The following ZNF277 variants were observed in gnomAD, a reference collection of about 807,000 sequenced individuals.
ZNF277 encodes nuclear receptor-interacting factor 4.
ZNF277 carries 55 observed loss-of-function variants against 60.7 expected under a neutral mutation model. That is an observed-to-expected ratio of 0.91 (90% CI 0.73 to 1.13). The LOEUF (loss-of-function observed/expected upper bound fraction) is 1.13, where lower values mean the gene tolerates loss of function less well. Among genes scored for constraint, ZNF277 ranks in the 50% most tolerant of loss-of-function variants. The pLI is 0.00. For missense variants in ZNF277, 510 were observed against 523.0 expected (o/e 0.98, Z 0.24); for synonymous variants, 178 against 179.3 (o/e 0.99, Z 0.06).
At chr7:112,239,695 A>C (rs1790897813) in intron 1 of ZNF277, among the ~76,000 whole-genome samples, 1 of 152,222 alleles carries the variant, frequency 6.6e-6, no homozygotes. Context: ...AGTCTGAAAG[A>C]AAAGGATGTT....
chr7:112,319,475 G>T (rs1296535833), intron 5 of ZNF277, among the ~76,000 whole-genome samples: 4 of 151,822 alleles, frequency 2.6e-5, no homozygotes, highest in Non-Finnish European at 5.9e-5. Context: ...AACTGAGGAT[G>T]ATTTCACTGA....
chr7:112,229,380 A>G (rs1822264018), intron 1 of ZNF277, among the ~76,000 whole-genome samples: 1 of 152,232 alleles, frequency 6.6e-6, no homozygotes, highest in African/African-American at 2.4e-5. Flanking sequence ...CCATACAAGG[A>G]CATTTCAGAA....
chr7:112,207,550 G>C (rs2116934094), intron 1 of ZNF277, among the ~76,000 whole-genome samples: 1 of 152,326 alleles, frequency 6.6e-6, no homozygotes, highest in Non-Finnish European at 1.5e-5. Flanking sequence ...CTTTCAGGTT[G>C]TCCTCTGATC....
chr7:112,252,263 A>G (rs149975131), intron 1 of ZNF277, among the ~76,000 whole-genome samples: 84 of 152,320 alleles, frequency 5.5e-4, no homozygotes, highest in Middle Eastern at 3.4e-3. Flanking sequence ...GCAAGAGGGT[A>G]GCTTATTGCA....
At chr7:112,259,685 T>C (rs1346035983) in intron 1 of ZNF277, among the ~76,000 whole-genome samples, 1 of 152,214 alleles carries the variant, frequency 6.6e-6, no homozygotes, top group Non-Finnish European at 1.5e-5. Flanking sequence ...AGATTTTTAA[T>C]GTTCAAGGCT....
intron 4 of ZNF277, among the ~76,000 whole-genome samples, chr7:112,313,984 A>G (rs570039054): frequency 6.6e-6 from 1 of 152,260 alleles, no homozygotes; most frequent in South Asian, 2.1e-4. Context: ...GGCATAGAGG[A>G]ACTCATTTTC....
chr7:112,339,977 G>C, intron 10 of ZNF277, 92 bp downstream of exon 10: 4 of 1,181,104 alleles, frequency 3.4e-6, no homozygotes, highest in Non-Finnish European at 5.0e-6. Flanking sequence ...TATGATTGGA[G>C]AGTGCACCAC....
chr7:112,289,246 C>T (rs190897660), intron 2 of ZNF277, among the ~76,000 whole-genome samples: 21 of 152,280 alleles, frequency 1.4e-4, no homozygotes, highest in Non-Finnish European at 2.5e-4. Context: ...GAATAGCCAG[C>T]ATACCCACAG....
At chr7:112,210,572 A>G (rs1363202599) in intron 1 of ZNF277, among the ~76,000 whole-genome samples, 6 of 151,614 alleles carry the variant, frequency 4.0e-5, no homozygotes, top group Non-Finnish European at 8.8e-5. Context: ...CCCGGGTTCA[A>G]GTGATTCTCC....
At chr7:112,280,499 G>C (rs1791915102) in intron 1 of ZNF277, among the ~76,000 whole-genome samples, 1 of 152,174 alleles carries the variant, frequency 6.6e-6, no homozygotes, top group Admixed American at 6.5e-5. Context: ...AGTGGATTTA[G>C]GGCCAAAGCA....
chr7:112,232,042 CATATATATATATATATATATAT>C (rs67934905), intron 1 of ZNF277, among the ~76,000 whole-genome samples: 27,713 of 133,188 alleles, frequency 0.21, 3,048 homozygotes, highest in Middle Eastern at 0.39. Flanking sequence ...TAAATAAATA[CATATATATATATATATATATAT>C]ATATATATAT....
At chr7:112,332,714 G>A (rs2301725) in intron 7 of ZNF277, among the ~76,000 whole-genome samples, 38,570 of 151,974 alleles carry the variant, frequency 0.25, 6,674 homozygotes, top group African/African-American at 0.49. Context: ...GCTGAGGTAA[G>A]TAACCAAAAA....
Position 112,265,650 on chromosome 7 carries a change from A to T in ZNF277, c.92-21223A>T, listed in dbSNP as rs188920080. 5.0e-3 allele frequency among the ~76,000 whole-genome samples: 754 copies of T among 152,290 alleles called. 6 individuals are homozygous for T. The highest frequency in any genetic ancestry group is 0.017 in the African/African-American group (714 of 41,576). On this transcript the variant is annotated intron_variant, in intron 1 of 11. Transcript: ENST00000361822. Reference sequence around the variant, plus strand: ...AAACCTTCAATTTGTAAAAAGCACAATAAAGTGAAGTATGCCTGTATATGA... The same window carrying T: ...AAACCTTCAATTTGTAAAAAGCACATTAAAGTGAAGTATGCCTGTATATGA...
At chr7:112,236,809 A>T (rs1283645773) in intron 1 of ZNF277, among the ~76,000 whole-genome samples, 3 of 152,168 alleles carry the variant, frequency 2.0e-5, no homozygotes, top group Non-Finnish European at 2.9e-5. Context: ...CACTGACAAC[A>T]CTAGACAGAT....
At chr7:112,269,644 A>G (rs577911380) in intron 1 of ZNF277, among the ~76,000 whole-genome samples, 31 of 152,188 alleles carry the variant, frequency 2.0e-4, no homozygotes, top group African/African-American at 6.5e-4. Context: ...GTAGAAAAAA[A>G]GGTTTTGGGT....
At chr7:112,280,677 G>C (rs1390410357) in intron 1 of ZNF277, among the ~76,000 whole-genome samples, 2 of 151,734 alleles carry the variant, frequency 1.3e-5, no homozygotes, top group African/African-American at 4.9e-5. Context: ...CCAGACTGGA[G>C]TGCAGTGGCA....
At chr7:112,229,632 A>C (rs1822270304) in intron 1 of ZNF277, among the ~76,000 whole-genome samples, 1 of 152,166 alleles carries the variant, frequency 6.6e-6, no homozygotes, top group South Asian at 2.1e-4. Context: ...GATATTCTCG[A>C]GCTCTGAGTC....
chr7:112,233,647 T>A (rs989838735), intron 1 of ZNF277, among the ~76,000 whole-genome samples: 3 of 152,138 alleles, frequency 2.0e-5, no homozygotes, highest in Admixed American at 6.5e-5. Context: ...GCACTTAAAA[T>A]GGTTAGAATA....
chr7:112,328,742 T>C (rs1055389546), intron 6 of ZNF277, among the ~76,000 whole-genome samples: 1 of 152,026 alleles, frequency 6.6e-6, no homozygotes, highest in East Asian at 1.9e-4. Context: ...TGGTGGTGCA[T>C]GCCTGTAATC....
Sources: allele counts gnomAD v4.1 joint callset (sites outside exome capture counted in the v4.1 genomes callset), GRCh38; gene constraint gnomAD v4.1.1; transcripts MANE v1.5; gene names NCBI Gene and HGNC (gene_info 2026-07-23, HGNC 2026-07-21).